The following PTPRJ variants were observed in gnomAD, a reference collection of about 807,000 sequenced individuals.
PTPRJ encodes the protein receptor-type tyrosine-protein phosphatase eta.
A neutral mutation model predicts 141.3 loss-of-function variants in PTPRJ; 129 were observed. That is an observed-to-expected ratio of 0.91 (90% CI 0.79 to 1.06). PTPRJ has a LOEUF of 1.06. Among genes scored for constraint, PTPRJ ranks in the 50% least tolerant of loss-of-function variants. The probability of loss-of-function intolerance (pLI) is 0.00; values close to 1 mark genes in which losing one functional copy is unlikely to be tolerated. For synonymous variants in PTPRJ, 610 were observed against 640.5 expected, an observed-to-expected ratio of 0.95 and a Z score of 0.72; for missense variants, 1,601 against 1,679.7, an observed-to-expected ratio of 0.95 and a Z score of 0.82.
intron 1 of PTPRJ, among the ~76,000 whole-genome samples, chr11:48,004,665 G>A (rs191579835): frequency 2.0e-5 from 3 of 152,136 alleles, no homozygotes; most frequent in Non-Finnish European, 2.9e-5. Flanking sequence ...AGGCCTGCAG[G>A]GGGGAAGACT....
At chr11:48,012,923 C>T (rs566228330) in intron 1 of PTPRJ, among the ~76,000 whole-genome samples, 1 of 151,810 alleles carries the variant, frequency 6.6e-6, no homozygotes, top group African/African-American at 2.4e-5. Flanking sequence ...TGGCCAACAT[C>T]GTGAAACCCC....
At chr11:48,128,698 G>C (rs1326235773) in intron 7 of PTPRJ, among the ~76,000 whole-genome samples, 7 of 152,252 alleles carry the variant, frequency 4.6e-5, no homozygotes, top group Admixed American at 3.3e-4. Flanking sequence ...CTCCGAGGTA[G>C]GTATTGGGGT....
At chr11:48,120,200 T>A (rs951239234) in intron 3 of PTPRJ, among the ~76,000 whole-genome samples, 1 of 152,240 alleles carries the variant, frequency 6.6e-6, no homozygotes, top group Non-Finnish European at 1.5e-5. Flanking sequence ...TTGAAGGGAC[T>A]AATTCTAGGT....
chr11:48,166,968 G>A (rs1590576973), intron 24 of PTPRJ, among the ~76,000 whole-genome samples: 2 of 152,274 alleles, frequency 1.3e-5, no homozygotes, highest in African/African-American at 4.8e-5. Flanking sequence ...GGGGAGGGGA[G>A]GTGTGGAGTG....
intron 1 of PTPRJ, among the ~76,000 whole-genome samples, chr11:47,997,307 C>G (rs922984796): frequency 4.6e-5 from 7 of 152,336 alleles, no homozygotes; most frequent in African/African-American, 1.7e-4. Context: ...GGCCTATGCC[C>G]TGGCAGTCTT....
rs1437506736 is a variant in PTPRJ at position 48,059,109 on chromosome 11, C to CTTT, written c.97-50949_97-50948insTTT. ...CCTGATCGCTCCCTACTGTGCTGTG[C>CTTT]CTTTTTTTTTTTTTTTTTTTTTTTT... is the stretch of plus-strand genomic sequence containing the variant. On this transcript the variant is annotated intron_variant, in intron 1 of 24. Coordinates refer to ENST00000418331, the MANE Select transcript of PTPRJ (RefSeq NM_002843.4). Among the ~76,000 whole-genome samples the CTTT allele has an allele frequency of 1.4e-3, 174 of 125,878 alleles. 6 individuals are homozygous for CTTT. Among genetic ancestry groups the CTTT allele is most frequent in the Non-Finnish European group, 1.7e-3 (104 of 62,368 alleles). 82.6% of individuals were successfully genotyped at this position (125,878 alleles called of 152,430 possible).
In PTPRJ at chr11:48,168,095, C is replaced by G. The variant is rs888480123; in HGVS notation, c.*733C>G. On this transcript the variant is annotated 3_prime_UTR_variant, in exon 25 of 25. Coordinates refer to ENST00000418331, the MANE Select transcript of PTPRJ (RefSeq NM_002843.4). Reference sequence around the variant, plus strand: ...CCTGTACATTTGTGCTCCATTTTTTCTTCCCTTTTCCCTCCCAGTTTTCTC... The same window carrying G: ...CCTGTACATTTGTGCTCCATTTTTTGTTCCCTTTTCCCTCCCAGTTTTCTC... 6.6e-6 allele frequency: 1 copy of G among 151,510 alleles called. No homozygotes were observed. Among genetic ancestry groups the G allele is most frequent in the East Asian group, 2.0e-4 (1 of 5,100 alleles). The allele number at this position is 151,510 out of a possible 1,614,324, so 9.4% of individuals were successfully genotyped here.
At chr11:48,101,687 C>G (rs1187066536) in intron 1 of PTPRJ, among the ~76,000 whole-genome samples, 1 of 152,212 alleles carries the variant, frequency 6.6e-6, no homozygotes, top group African/African-American at 2.4e-5. Flanking sequence ...CCGTGGGGAG[C>G]TAGCCCTGAA....
intron 1 of PTPRJ, among the ~76,000 whole-genome samples, chr11:48,079,873 G>T (rs1280045800): frequency 6.6e-6 from 1 of 152,128 alleles, no homozygotes; most frequent in East Asian, 1.9e-4. Context: ...GCTGCCCACT[G>T]AACTCTCTAA....
chr11:48,045,536 A>C (rs1488481335), intron 1 of PTPRJ, among the ~76,000 whole-genome samples: 1 of 152,186 alleles, frequency 6.6e-6, no homozygotes, highest in Non-Finnish European at 1.5e-5. Flanking sequence ...ACTTTTGCAG[A>C]TATCAAGGGC....
chr11:48,094,694 T>C (rs1393194678), intron 1 of PTPRJ, among the ~76,000 whole-genome samples: 1 of 152,182 alleles, frequency 6.6e-6, no homozygotes, highest in Non-Finnish European at 1.5e-5. Context: ...TTTACTGCGA[T>C]GGGTGTGTGT....
At position 48,137,095 on chromosome 11, in the gene PTPRJ, T is replaced by C; in HGVS notation, c.1966T>C (p.Ser656Pro). The change falls in exon 10 of 25, where the codon TCC becomes CCC. Residue 656 changes from serine (S) to proline (P), a missense_variant. Ser to Pro is a moderately conservative substitution (Grantham distance 74). Coordinates refer to ENST00000418331, the MANE Select transcript of PTPRJ (RefSeq NM_002843.4). ...CTTTGATGACGCCTCTCCCACGTACTCCTACTGCCTTCTTATTGAGAAGGC... is the reference window on the plus strand; with the variant it reads ...CTTTGATGACGCCTCTCCCACGTACCCCTACTGCCTTCTTATTGAGAAGGC... ...QNFDDASPTY[S>P]YCLLIEKAGN... 6.2e-7 allele frequency: 1 copy of C among 1,607,308 alleles called. No homozygotes were observed. Among genetic ancestry groups the C allele is most frequent in the Non-Finnish European group, 8.5e-7 (1 of 1,173,796 alleles).
intron 1 of PTPRJ, among the ~76,000 whole-genome samples, chr11:48,103,472 A>C (rs1043245643): frequency 2.6e-5 from 4 of 152,182 alleles, no homozygotes; most frequent in Non-Finnish European, 5.9e-5. Flanking sequence ...AAAACAAAAA[A>C]CAAAACAAAA....
intron 1 of PTPRJ, among the ~76,000 whole-genome samples, chr11:48,045,134 A>G (rs908381206): frequency 6.6e-6 from 1 of 152,212 alleles, no homozygotes; most frequent in East Asian, 1.9e-4. Flanking sequence ...TAGGTTCTGT[A>G]TGTTAATTTG....
intron 1 of PTPRJ, among the ~76,000 whole-genome samples, chr11:48,049,582 C>T (rs542573477): frequency 3.4e-5 from 5 of 145,832 alleles, no homozygotes; most frequent in Non-Finnish European, 7.4e-5. Flanking sequence ...GGTGTGGTGG[C>T]GCACTTTTGT....
intron 23 of PTPRJ, 137 bp from the exon 24 acceptor site, chr11:48,164,243 A>G (rs1857857046): frequency 9.1e-7 from 1 of 1,102,428 alleles, no homozygotes. Flanking sequence ...TCAACTGAGC[A>G]AATGTGTACT....
intron 1 of PTPRJ, among the ~76,000 whole-genome samples, chr11:48,043,757 G>T (rs1484899351): frequency 1.3e-5 from 2 of 152,164 alleles, no homozygotes; most frequent in African/African-American, 2.4e-5. Flanking sequence ...GTCTCTGAAG[G>T]GGCTAAGCCA....
chr11:48,077,451 T>G (rs1855434371), intron 1 of PTPRJ, among the ~76,000 whole-genome samples: 1 of 152,220 alleles, frequency 6.6e-6, no homozygotes. Flanking sequence ...TTTTTGAGGC[T>G]TGGAGTGACC....
intron 1 of PTPRJ, among the ~76,000 whole-genome samples, chr11:48,097,541 A>T (rs1206604037): frequency 3.4e-5 from 5 of 146,038 alleles, no homozygotes; most frequent in Admixed American, 6.9e-5. Flanking sequence ...CCTGAAGAAA[A>T]TTTTTTTTTT....
Sources: allele counts gnomAD v4.1 joint callset (sites outside exome capture counted in the v4.1 genomes callset), GRCh38; gene constraint gnomAD v4.1.1; transcripts MANE v1.5; gene names NCBI Gene and HGNC (gene_info 2026-07-23, HGNC 2026-07-21).